The following MCTP1 variants were observed in gnomAD, a reference collection of about 807,000 sequenced individuals.
The protein encoded by MCTP1 is multiple C2 and transmembrane domain-containing protein 1.
MCTP1 carries 69 observed loss-of-function variants against 120.6 expected under a neutral mutation model. The observed-to-expected ratio is 0.57, with a 90% CI of 0.47 to 0.70. The LOEUF (loss-of-function observed/expected upper bound fraction) is 0.70, where lower values mean the gene tolerates loss of function less well. Among genes scored for constraint, MCTP1 ranks in the 30% least tolerant of loss-of-function variants. MCTP1 has a pLI of 0.00. For missense variants in MCTP1, 1,203 were observed against 1,248.8 expected, an observed-to-expected ratio of 0.96 and a Z score of 0.55; for synonymous variants, 529 against 493.1, an observed-to-expected ratio of 1.07 and a Z score of -0.96.
rs568929448 is a variant in MCTP1 at position 95,158,963 on chromosome 5, T to G, written c.720+124893A>C. On this transcript the variant is annotated intron_variant, in intron 1 of 22. Transcript: ENST00000515393. ...ATTTATTTAATATAATTTCTTAATT[T>G]TTTTATGGTGCAGAATTTTTTAGTT... is the stretch of plus-strand genomic sequence containing the variant. 7.2e-5 allele frequency among the ~76,000 whole-genome samples: 11 copies of G among 152,264 alleles called. No homozygotes were observed. In the South Asian group the frequency reaches 2.3e-3, roughly 32 times the overall value.
At chr5:95,036,208 T>C (rs933829095) in intron 1 of MCTP1, among the ~76,000 whole-genome samples, 2 of 152,180 alleles carry the variant, frequency 1.3e-5, no homozygotes, top group African/African-American at 2.4e-5. Flanking sequence ...CATAAATGCT[T>C]CTGTTAACAA....
intron 1 of MCTP1, among the ~76,000 whole-genome samples, chr5:95,236,208 C>A (rs1755528142): frequency 6.6e-6 from 1 of 152,166 alleles, no homozygotes; most frequent in South Asian, 2.1e-4. Context: ...ATGATATTCT[C>A]TTAACAACAT....
At chr5:94,894,003 C>T (rs781335743) in intron 11 of MCTP1, among the ~76,000 whole-genome samples, 14 of 152,066 alleles carry the variant, frequency 9.2e-5, no homozygotes, top group Non-Finnish European at 1.3e-4. Context: ...AAATGTCCAG[C>T]GGGAGGATGC....
chr5:94,839,959 G>A (rs1790637654), intron 17 of MCTP1, among the ~76,000 whole-genome samples: 3 of 152,136 alleles, frequency 2.0e-5, no homozygotes, highest in African/African-American at 7.2e-5. Flanking sequence ...TAGTACTTTC[G>A]ATACCCTCAG....
chr5:94,809,665 G>A (rs756449554), intron 17 of MCTP1, among the ~76,000 whole-genome samples: 4 of 152,040 alleles, frequency 2.6e-5, no homozygotes, highest in Non-Finnish European at 5.9e-5. Context: ...AGTCATTCTT[G>A]CAGACTACAG....
chr5:94,819,303 G>T (rs1785155787), intron 17 of MCTP1, among the ~76,000 whole-genome samples: 1 of 151,808 alleles, frequency 6.6e-6, no homozygotes, highest in Admixed American at 6.6e-5. Context: ...CTACTTTTTT[G>T]TATTTTTAGT....
In MCTP1 at chr5:95,284,690, G is replaced by T; in HGVS notation, c.-115C>A. On this transcript the variant is annotated 5_prime_UTR_variant, in exon 1 of 23. Transcript: ENST00000515393. This position sits in a 1 kb window ranked among gnomAD's most constrained non-coding sequence, Gnocchi z 5.2. ...CGCGGCGCTGGCGGTGGCGGCGGCG[G>T]CGGCGGCGGGCGCAGCAGCAGAAAC... The T allele has an allele frequency of 1.1e-6, 1 of 883,966 alleles. No individual in the cohort carries two copies. The highest frequency in any genetic ancestry group is 1.6e-6 in the Non-Finnish European group (1 of 629,418). 54.8% of individuals were successfully genotyped at this position (883,966 alleles called of 1,614,324 possible).
intron 19 of MCTP1, among the ~76,000 whole-genome samples, chr5:94,724,574 A>G (rs1388400897): frequency 6.6e-6 from 1 of 152,058 alleles, no homozygotes; most frequent in African/African-American, 2.4e-5. Context: ...CTGTCCTGCA[A>G]ATATAGTCAG....
intron 1 of MCTP1, among the ~76,000 whole-genome samples, chr5:95,167,450 T>C (rs1352614018): frequency 6.6e-6 from 1 of 152,202 alleles, no homozygotes; most frequent in Non-Finnish European, 1.5e-5. Flanking sequence ...GGTCAAATGG[T>C]ATTTCTAGTT....
Position 94,706,198 on chromosome 5 carries a change from C to A in MCTP1, c.*1298G>T, listed in dbSNP as rs983023386. The A allele has an allele frequency of 6.6e-6, 1 of 151,592 alleles. No homozygotes were observed. Among genetic ancestry groups the A allele is most frequent in the Non-Finnish European group, 1.5e-5 (1 of 67,720 alleles). 9.4% of individuals were successfully genotyped at this position (151,592 alleles called of 1,614,324 possible). On this transcript the variant is annotated 3_prime_UTR_variant, in exon 23 of 23. Coordinates refer to ENST00000515393, the MANE Select transcript of MCTP1 (RefSeq NM_024717.7). ...AAAGCATTGTCTGCTGCAATTTCAA[C>A]TGAGTGTAGTCCCCTACCAAGTCAG...
At chr5:95,099,299 G>T (rs1246404586) in intron 1 of MCTP1, among the ~76,000 whole-genome samples, 1 of 151,972 alleles carries the variant, frequency 6.6e-6, no homozygotes, top group Non-Finnish European at 1.5e-5. Flanking sequence ...AAGAGCTTCT[G>T]CACAGCAAAA....
At chr5:95,205,653 C>T (rs894313665) in intron 1 of MCTP1, among the ~76,000 whole-genome samples, 1 of 152,016 alleles carries the variant, frequency 6.6e-6, no homozygotes, top group Non-Finnish European at 1.5e-5. Context: ...AATATTTACA[C>T]ACAATATTTA....
intron 2 of MCTP1, among the ~76,000 whole-genome samples, chr5:95,006,984 C>T (rs566483427): frequency 6.6e-6 from 1 of 152,212 alleles, no homozygotes; most frequent in African/African-American, 2.4e-5. Flanking sequence ...AATAAAGACA[C>T]ACCCAAGACT....
In MCTP1 at chr5:95,145,087, T is replaced by C. The variant is rs546406356; in HGVS notation, c.721-127603A>G. The stretch of plus-strand genomic sequence containing the variant: ...TCTATGATTTCTTTCAGCAGTTTTA[T>C]GGTTCTCCTTGTAGAGATCTATCAC... On this transcript the variant is annotated intron_variant, in intron 1 of 22. Transcript: ENST00000515393. Among the ~76,000 whole-genome samples the C allele has an allele frequency of 9.8e-5, 15 of 152,292 alleles. No homozygotes were observed. The East Asian group carries it at 2.5e-3, about 25-fold the overall frequency.
At chr5:94,758,172 A>G (rs1770402828) in intron 19 of MCTP1, among the ~76,000 whole-genome samples, 1 of 152,232 alleles carries the variant, frequency 6.6e-6, no homozygotes, top group Non-Finnish European at 1.5e-5. Context: ...CACAGACTAG[A>G]CATTTGTCAT....
At chr5:94,796,639 GTAATATATA>G (rs895957737) in intron 18 of MCTP1, among the ~76,000 whole-genome samples, 8 of 66,244 alleles carry the variant, frequency 1.2e-4, no homozygotes, top group Non-Finnish European at 2.6e-4. Flanking sequence ...TATTATATAT[GTAATATATA>G]TTATATATAT....
At chr5:94,945,902 C>T (rs1264724191) in intron 3 of MCTP1, among the ~76,000 whole-genome samples, 2 of 152,116 alleles carry the variant, frequency 1.3e-5, no homozygotes, top group Non-Finnish European at 2.9e-5. Flanking sequence ...TGGCCAGGGG[C>T]CAGTGAGGCT....
chr5:94,808,076 C>T (rs1479770002), intron 17 of MCTP1, among the ~76,000 whole-genome samples: 5 of 152,126 alleles, frequency 3.3e-5, no homozygotes, highest in Non-Finnish European at 7.4e-5. Flanking sequence ...TGGAGGTGAA[C>T]CCCTTATGCC....
chr5:94,985,594 A>C (rs1187681244), intron 2 of MCTP1, among the ~76,000 whole-genome samples: 1 of 152,184 alleles, frequency 6.6e-6, no homozygotes, highest in Admixed American at 6.6e-5. Flanking sequence ...CTAATTTTTC[A>C]ACAATTTGTG....
Sources: allele counts gnomAD v4.1 joint callset (sites outside exome capture counted in the v4.1 genomes callset), GRCh38; gene constraint gnomAD v4.1.1; non-coding constraint Gnocchi (gnomAD v3.1); transcripts MANE v1.5; gene names NCBI Gene and HGNC (gene_info 2026-07-23, HGNC 2026-07-21).